CD200R1: variants seen among roughly 807,000 people sequenced by gnomAD.
CD200R1 encodes cell surface glycoprotein CD200 receptor 1.
Under a neutral mutation model 38.1 loss-of-function variants are expected in CD200R1, and 30 were observed. The observed-to-expected ratio is 0.79, with a 90% CI of 0.59 to 1.07. CD200R1 has a LOEUF of 1.07. CD200R1 is among the 50% of genes least tolerant of loss of function. The pLI is 0.00. For missense variants in CD200R1, 372 were observed against 415.4 expected (o/e 0.90, Z 0.91); for synonymous variants, 128 against 152.1 (o/e 0.84, Z 1.16).
chr3:112,935,622 CA>C (rs1225970997), intron 2 of CD200R1, among the ~76,000 whole-genome samples: 2 of 151,918 alleles, frequency 1.3e-5, no homozygotes, highest in African/African-American at 4.8e-5. Flanking sequence ...ATCCCTACAT[CA>C]AAAAAGTAGT....
At chr3:112,950,136 T>G (rs1315510634) in intron 1 of CD200R1, among the ~76,000 whole-genome samples, 1 of 152,218 alleles carries the variant, frequency 6.6e-6, no homozygotes, top group Non-Finnish European at 1.5e-5. Context: ...TTTGACAACA[T>G]ACACTGTTGG....
At chr3:112,925,508 G>GTAC (rs1338157961) in intron 5 of CD200R1, among the ~76,000 whole-genome samples, 1 of 152,086 alleles carries the variant, frequency 6.6e-6, no homozygotes, top group Non-Finnish European at 1.5e-5. Flanking sequence ...ATATAATACT[G>GTAC]TACTGGTGGA....
intron 1 of CD200R1, among the ~76,000 whole-genome samples, chr3:112,968,285 A>T (rs1933216707): frequency 6.6e-6 from 1 of 152,224 alleles, no homozygotes; most frequent in African/African-American, 2.4e-5. Context: ...TAATATATTC[A>T]ATCTTAACAT....
intron 1 of CD200R1, among the ~76,000 whole-genome samples, chr3:112,951,407 CAT>C: frequency 6.6e-6 from 1 of 151,950 alleles, no homozygotes; most frequent in East Asian, 1.9e-4. Flanking sequence ...TTTAAGCAAA[CAT>C]GTAAGAAAGA....
At chr3:112,939,139 C>T (rs1940657592) in intron 2 of CD200R1, among the ~76,000 whole-genome samples, 1 of 151,798 alleles carries the variant, frequency 6.6e-6, no homozygotes, top group Non-Finnish European at 1.5e-5. Flanking sequence ...CAATAAAGGC[C>T]ATCTATAGGC....
chr3:112,938,863 C>CAT (rs970827190), intron 2 of CD200R1, among the ~76,000 whole-genome samples: 1 of 151,846 alleles, frequency 6.6e-6, no homozygotes, highest in Admixed American at 6.6e-5. Context: ...TACTAATAAA[C>CAT]ATATATATAA....
intron 7 of CD200R1, 29 bp from the exon 8 acceptor site, chr3:112,923,828 T>A (rs768257284): frequency 1.4e-6 from 2 of 1,404,624 alleles, no homozygotes; most frequent in South Asian, 1.3e-5. Context: ...TTAAAATCAA[T>A]TCAAAAAATC....
At chr3:112,951,721 A>G (rs1200249238) in intron 1 of CD200R1, among the ~76,000 whole-genome samples, 2 of 151,364 alleles carry the variant, frequency 1.3e-5, no homozygotes, top group Non-Finnish European at 3.0e-5. Context: ...TTTTAAAACA[A>G]TTACATTTTT....
chr3:112,965,302 GA>G (rs1169910126), intron 1 of CD200R1, among the ~76,000 whole-genome samples: 1 of 152,212 alleles, frequency 6.6e-6, no homozygotes, highest in Middle Eastern at 3.2e-3. Flanking sequence ...GTGGAAACCA[GA>G]TTGAAAGGGG....
chr3:112,952,390 T>C lies in CD200R1; in HGVS notation c.68-4466A>G, dbSNP rs533481719. On this transcript the variant is annotated intron_variant, in intron 1 of 7. Transcript: ENST00000308611. ...TTTTAGTTCTAAGAATCAACCCAAA[T>C]GTCCAACAATGATAGACTGGATTAA... 7.9e-5 allele frequency among the ~76,000 whole-genome samples: 12 copies of C among 152,310 alleles called. No individual in the cohort carries two copies. In the South Asian group the frequency reaches 2.5e-3, roughly 32 times the overall value.
At chr3:112,934,288 T>C (rs1275857707) in intron 2 of CD200R1, among the ~76,000 whole-genome samples, 2 of 152,112 alleles carry the variant, frequency 1.3e-5, no homozygotes, top group Non-Finnish European at 2.9e-5. Flanking sequence ...GATAGCAGAT[T>C]TCTCATCAGA....
intron 1 of CD200R1, among the ~76,000 whole-genome samples, chr3:112,965,895 G>A (rs1046863603): frequency 6.6e-6 from 1 of 152,164 alleles, no homozygotes; most frequent in African/African-American, 2.4e-5. Flanking sequence ...GAAGGAATGA[G>A]ACAAAAAGCA....
chr3:112,945,233 AT>A (rs1459819624), intron 2 of CD200R1, among the ~76,000 whole-genome samples: 1 of 152,222 alleles, frequency 6.6e-6, no homozygotes, highest in African/African-American at 2.4e-5. Context: ...TTTTAAGTTT[AT>A]CTAGAGAGGC....
intron 1 of CD200R1, among the ~76,000 whole-genome samples, chr3:112,960,887 C>CA (rs1933000206): frequency 6.6e-6 from 1 of 151,700 alleles, no homozygotes; most frequent in Non-Finnish European, 1.5e-5. Flanking sequence ...CAAAGAAATA[C>CA]AAAAAGTACA....
chr3:112,946,995 T>C (rs911478630), intron 2 of CD200R1, among the ~76,000 whole-genome samples: 4 of 152,008 alleles, frequency 2.6e-5, no homozygotes, highest in African/African-American at 9.7e-5. Flanking sequence ...GGGGGAACAC[T>C]TAAATGCATA....
intron 2 of CD200R1, among the ~76,000 whole-genome samples, chr3:112,944,575 CTT>C (rs1369938371): frequency 2.6e-5 from 4 of 152,038 alleles, no homozygotes; most frequent in Admixed American, 6.6e-5. Context: ...CAAGATGACT[CTT>C]TTCACCACTG....
chr3:112,962,477 TTAAA>T (rs1933047347), intron 1 of CD200R1, among the ~76,000 whole-genome samples: 1 of 152,192 alleles, frequency 6.6e-6, no homozygotes, highest in South Asian at 2.1e-4. Flanking sequence ...AGGGGGCTAA[TTAAA>T]TGTTATCAAA....
chr3:112,937,922 T>C (rs1940625574), intron 2 of CD200R1, among the ~76,000 whole-genome samples: 1 of 152,094 alleles, frequency 6.6e-6, no homozygotes, highest in African/African-American at 2.4e-5. Context: ...TTGTTAGTTG[T>C]TTTCCTAGGT....
intron 1 of CD200R1, among the ~76,000 whole-genome samples, chr3:112,960,186 T>C (rs1453375313): frequency 6.6e-6 from 1 of 152,048 alleles, no homozygotes; most frequent in Non-Finnish European, 1.5e-5. Context: ...ATATGGCTTT[T>C]TCCTCATCAC....
Sources: gnomAD v4.1 joint callset for allele counts (sites outside exome capture counted in the v4.1 genomes callset) on GRCh38, gnomAD v4.1.1 for gene constraint, MANE v1.5 for transcripts, NCBI Gene and HGNC (gene_info 2026-07-23, HGNC 2026-07-21) for gene names.